The following ATG9A variants were observed in gnomAD, a reference collection of about 807,000 sequenced individuals.
The protein encoded by ATG9A is autophagy related 9A, also known as autophagy-related protein 9A.
ATG9A carries 21 observed loss-of-function variants against 87.1 expected under a neutral mutation model. That is an observed-to-expected ratio of 0.24 (90% CI 0.17 to 0.35). The LOEUF is 0.35. ATG9A is among the 10% of genes least tolerant of loss of function. The pLI, the probability that ATG9A is intolerant of heterozygous loss-of-function variation, is 1.00. For missense variants in ATG9A, 836 were observed against 1,107.3 expected, an observed-to-expected ratio of 0.76 and a Z score of 3.48; for synonymous variants, 422 against 441.3, an observed-to-expected ratio of 0.96 and a Z score of 0.55.
rs890036741 is a variant in ATG9A, at chr2:219,223,036, C to T, written c.1600-143G>A. 8.1e-6 allele frequency: 9 copies of T among 1,114,658 alleles called. No homozygotes were observed. Among genetic ancestry groups the T allele is most frequent in the African/African-American group, 1.6e-5 (1 of 63,964 alleles). The allele number at this position is 1,114,658 out of a possible 1,614,324, so 69.0% of individuals were successfully genotyped here. A position where few individuals can be genotyped will look rare whatever the true frequency, so the allele number is the denominator to read the frequency against. On this transcript the variant is annotated intron_variant, in intron 10 of 15. Coordinates refer to ENST00000361242, the MANE Select transcript of ATG9A (RefSeq NM_001077198.3). The surrounding 1 kb of genome is among the most constrained non-coding windows in gnomAD (Gnocchi z 4.7). ...CTTTCCCAGGGCACTGGTGCCCCCC[C>T]AGACCCAGGAGGGGCTGCACTGCAT...
At chr2:219,225,622 G>A in intron 5 of ATG9A, 50 bp from the exon 6 acceptor site, 1 of 1,581,226 alleles carries the variant, frequency 6.3e-7, no homozygotes, top group East Asian at 2.2e-5. Context: ...AGAGGCTCCA[G>A]TGAAACCCAG....
chr2:219,228,163 G>C, intron 2 of ATG9A, 110 bp from the exon 3 acceptor site: 4 of 700,056 alleles, frequency 5.7e-6, no homozygotes, highest in Non-Finnish European at 9.5e-6. Flanking sequence ...TCCACTACCA[G>C]CCTCCTTGGC....
chr2:219,220,911 G>A lies in ATG9A; in HGVS notation c.2369-19C>T, dbSNP rs200910370. ...CCAGGATCTGGAGAGACAAGTAAGA[G>A]TAAGCATACTCATAGAAGGAACACA... is the stretch of plus-strand genomic sequence containing the variant. On this transcript the variant is annotated intron_variant, in intron 14 of 15. Coordinates refer to ENST00000361242, the MANE Select transcript of ATG9A (RefSeq NM_001077198.3). 6 of 1,612,538 alleles carry A rather than the reference G, an allele frequency of 3.7e-6. No individual in the cohort carries two copies. In the Admixed American group the frequency reaches 6.7e-5, roughly 18 times the overall value.
Position 219,228,343 on chromosome 2 carries a change from C to G in ATG9A, c.-30+91G>C, listed in dbSNP as rs553249807. ...ATTTAACGGACAGAAGAGTCCCTCC[C>G]CCGCCCATCCTGGGAACCCTGGTCT... On this transcript the variant is annotated intron_variant, in intron 2 of 15. Coordinates refer to ENST00000361242, the MANE Select transcript of ATG9A (RefSeq NM_001077198.3). 9.2e-6 allele frequency: 3 copies of G among 324,372 alleles called. No individual in the cohort carries two copies. The East Asian group carries it at 1.7e-4, about 18-fold the overall frequency. The allele number at this position is 324,372 out of a possible 1,614,324, so 20.1% of individuals were successfully genotyped here. A position where few individuals can be genotyped will look rare whatever the true frequency, so the allele number is the denominator to read the frequency against.
Position 219,229,357 on chromosome 2 carries a change from C to A in ATG9A, c.-82+178G>T, listed in dbSNP as rs1559249084. 2 of 151,316 alleles carry A rather than the reference C, an allele frequency of 1.3e-5. No homozygotes were observed. The highest frequency in any genetic ancestry group is 4.9e-5 in the African/African-American group (2 of 41,212). The allele number at this position is 151,316 out of a possible 1,614,324, so 9.4% of individuals were successfully genotyped here. On this transcript the variant is annotated intron_variant, in intron 1 of 15. Transcript: ENST00000361242. The surrounding 1 kb of genome is among the most constrained non-coding windows in gnomAD (Gnocchi z 4.2). ...CAACCTCGCGCGCGGCCCCGGCGCC[C>A]GCGCGCGCCCCCGTCTGCGCGCGCC...
chr2:219,223,915 C>T lies in ATG9A; in HGVS notation c.1373G>A (p.Arg458His), dbSNP rs747327148. The stretch of plus-strand genomic sequence containing the variant: ...GGCAAACTCGTCCCGGGTCTGCGAG[C>T]GGTGGGCATTACCCTGCCAGTGGTC... ...MPDHWQGNAHRSQTRDEFAQL... is the reference protein window; with the variant it reads ...MPDHWQGNAHHSQTRDEFAQL... The change falls in exon 9 of 16, where the codon CGC becomes CAC. Residue 458 changes from arginine to histidine, a missense_variant. Physicochemically the swap from Arg to His is conservative, Grantham distance 29. Transcript: ENST00000361242. This position sits in a 1 kb window ranked among gnomAD's most constrained non-coding sequence, Gnocchi z 4.7. 2.0e-5 allele frequency: 32 copies of T among 1,614,038 alleles called. No individual in the cohort carries two copies. Among genetic ancestry groups the T allele is most frequent in the South Asian group, 1.9e-4 (17 of 91,086 alleles).
Position 219,222,025 on chromosome 2 carries a change from C to G in ATG9A, c.2145+25G>C, listed in dbSNP as rs1293952644. 6.2e-7 allele frequency: 1 copy of G among 1,601,830 alleles called. No individual in the cohort carries two copies. The highest frequency in any genetic ancestry group is 1.3e-5 in the African/African-American group (1 of 74,678). ...TGCTTCTCCGCATCTAAACCCTCTACTCTCTTTTTTAGCTGTGCACTCACC... is the reference window on the plus strand; with the variant it reads ...TGCTTCTCCGCATCTAAACCCTCTAGTCTCTTTTTTAGCTGTGCACTCACC... On this transcript the variant is annotated intron_variant, in intron 13 of 15. Coordinates refer to ENST00000361242, the MANE Select transcript of ATG9A (RefSeq NM_001077198.3). This position sits in a 1 kb window ranked among gnomAD's most constrained non-coding sequence, Gnocchi z 4.3.
rs1289035563 is a variant in ATG9A, at chr2:219,229,176, T to C, written c.-82+359A>G. On this transcript the variant is annotated intron_variant, in intron 1 of 15. Transcript: ENST00000361242. This position sits in a 1 kb window ranked among gnomAD's most constrained non-coding sequence, Gnocchi z 4.2. ...GGCTGGGCCTGGGCTCAGGGGTTCC[T>C]GCGGATGTTGCAGGGATCGAGTCAG... 6.6e-6 allele frequency: 1 copy of C among 152,130 alleles called. No homozygotes were observed. The highest frequency in any genetic ancestry group is 2.4e-5 in the African/African-American group (1 of 41,430). 9.4% of individuals were successfully genotyped at this position (152,130 alleles called of 1,614,324 possible).
At chr2:219,228,217 G>C in intron 2 of ATG9A, 164 bp from the exon 3 acceptor site, 3 of 578,344 alleles carry the variant, frequency 5.2e-6, no homozygotes, top group Non-Finnish European at 9.2e-6. Flanking sequence ...AGTAAGCTCA[G>C]GGCTGGGGGA....
At chr2:219,228,224 G>A in intron 2 of ATG9A, 171 bp from the exon 3 acceptor site, 1 of 571,920 alleles carries the variant, frequency 1.7e-6, no homozygotes, top group Non-Finnish European at 3.1e-6. Context: ...TCAGGGCTGG[G>A]GGAGCCTTAA....
rs1299298256 is a variant in ATG9A at position 219,221,091 on chromosome 2, C to T, written c.2357G>A (p.Gly786Asp). 1 of 1,612,916 alleles carries T rather than the reference C, an allele frequency of 6.2e-7. No homozygotes were observed. Among genetic ancestry groups the T allele is most frequent in the East Asian group, 2.2e-5 (1 of 44,862 alleles). Residue 786 changes from glycine to aspartate, a missense_variant, in exon 14 of 16, where the codon GGT becomes GAT. Gly to Asp is a moderately conservative substitution (Grantham distance 94). Transcript: ENST00000361242. ...ALHGGFQRRY[G>D]GITDPGTVPR... ...CCCCCACTGGATACCTGTGATGCCA[C>T]CGTAGCGCCTCTGGAAGCCCCCATG...
chr2:219,227,769 T>C lies in ATG9A; in HGVS notation c.147+1A>G. On this transcript the variant is annotated splice_donor_variant, in intron 4 of 15. Coordinates refer to ENST00000361242, the MANE Select transcript of ATG9A (RefSeq NM_001077198.3). LOFTEE classifies it high-confidence loss of function. ...CTCCAACTCAGAAACACAAAGGATATTCGAGAGAAGAAGAGGTCAAGGTTT... is the reference window on the plus strand; with the variant it reads ...CTCCAACTCAGAAACACAAAGGATACTCGAGAGAAGAAGAGGTCAAGGTTT... 6.2e-7 allele frequency: 1 copy of C among 1,613,930 alleles called. No homozygotes were observed. The highest frequency in any genetic ancestry group is 8.5e-7 in the Non-Finnish European group (1 of 1,179,868).
At chr2:219,225,241 GTGGCCCTCGA>G in intron 6 of ATG9A, 29 bp from the exon 7 acceptor site, 1 of 1,613,588 alleles carries the variant, frequency 6.2e-7, no homozygotes, top group Non-Finnish European at 8.5e-7. Flanking sequence ...GGGAGGAGAG[GTGGCCCTCGA>G]GGAAGGAGTC....
chr2:219,225,642 G>T, intron 5 of ATG9A, 70 bp from the exon 6 acceptor site: 2 of 1,532,166 alleles, frequency 1.3e-6, no homozygotes, highest in Non-Finnish European at 1.8e-6. Context: ...GTGGGAAGAG[G>T]AGAGTCTGGA....
chr2:219,224,929 A>G lies in ATG9A; in HGVS notation c.517-75T>C, dbSNP rs1469387838. On this transcript the variant is annotated intron_variant, in intron 7 of 15. Coordinates refer to ENST00000361242, the MANE Select transcript of ATG9A (RefSeq NM_001077198.3). This position sits in a 1 kb window ranked among gnomAD's most constrained non-coding sequence, Gnocchi z 7.7. ...CCTCGACCCCTTTGCCCTATATTAG[A>G]AGTGAGATTCAGGGGTTGTGAGCTT... The G allele has an allele frequency of 1.9e-6, 3 of 1,582,838 alleles. No homozygotes were observed. The highest frequency in any genetic ancestry group is 2.6e-6 in the Non-Finnish European group (3 of 1,159,870).
Position 219,222,925 on chromosome 2 carries a change from G to T in ATG9A, c.1600-32C>A, listed in dbSNP as rs772795462. The T allele has an allele frequency of 1.2e-6, 2 of 1,611,006 alleles. No homozygotes were observed. The highest frequency in any genetic ancestry group is 1.7e-6 in the Non-Finnish European group (2 of 1,178,458). On this transcript the variant is annotated intron_variant, in intron 10 of 15. Coordinates refer to ENST00000361242, the MANE Select transcript of ATG9A (RefSeq NM_001077198.3). This position sits in a 1 kb window ranked among gnomAD's most constrained non-coding sequence, Gnocchi z 4.3. ...AAGGAAGAGCAGAGTAAGCAGGGCT[G>T]TTCTCTTCCAGGAGCCTTCCTGCAC...
At chr2:219,220,538 G>A (rs1950729918) in intron 15 of ATG9A, 86 bp from the exon 16 acceptor site, 7 of 1,575,860 alleles carry the variant, frequency 4.4e-6, no homozygotes, top group South Asian at 1.1e-5. Context: ...GAGGTAAAGG[G>A]ACAGGAAAGG....
At position 219,225,210 on chromosome 2, in the gene ATG9A, A is replaced by T; in HGVS notation, c.377T>A (p.Ile126Asn). 2 of 1,614,110 alleles carry T rather than the reference A, an allele frequency of 1.2e-6. No homozygotes were observed. The highest frequency in any genetic ancestry group is 4.5e-5 in the East Asian group (2 of 44,880). The change falls in exon 7 of 16, where the codon ATT becomes AAT. Residue 126 changes from isoleucine to asparagine, a missense_variant and splice_region_variant. By Grantham distance (149) the Ile-to-Asn change is moderately radical. This residue lies in a region of ATG9A where 512 missense variants were observed against 759.6 expected (regional missense o/e 0.67). Transcript: ENST00000361242. ...FLPAQVCSAR[I>N]QENGSLITIL... ...GGTGATAAGGGAGCCATTTTCCTGA[A>T]TCCTGGTGGGGAAAAAGAAGGGGAG... is the stretch of plus-strand genomic sequence containing the variant.
intron 4 of ATG9A, 152 bp from the exon 5 acceptor site, chr2:219,227,085 A>C (rs73077085): frequency 3.0e-6 from 2 of 670,846 alleles, no homozygotes; most frequent in Non-Finnish European, 5.4e-6. Context: ...TTGTCTGTCC[A>C]TGGTGGTACA....
Sources: allele counts gnomAD v4.1 joint callset, GRCh38; gene constraint gnomAD v4.1.1; regional missense constraint gnomAD v4.1.1; non-coding constraint Gnocchi (gnomAD v3.1); transcripts MANE v1.5; gene names NCBI Gene and HGNC (gene_info 2026-07-23, HGNC 2026-07-21).